ABAT: variants seen among roughly 807,000 people sequenced by gnomAD.
ABAT encodes 4-aminobutyrate aminotransferase.
ABAT carries 45 observed loss-of-function variants against 64.6 expected under a neutral mutation model. That is an observed-to-expected ratio of 0.70 (90% CI 0.55 to 0.89). The LOEUF is 0.89. ABAT is among the 40% of genes least tolerant of loss of function. The probability of loss-of-function intolerance (pLI) is 0.00; values close to 1 mark genes in which losing one functional copy is unlikely to be tolerated. For missense variants in ABAT, 633 were observed against 658.4 expected (o/e 0.96, Z 0.42); for synonymous variants, 297 against 250.5 (o/e 1.19, Z -1.75).
At position 8,777,277 on chromosome 16, in the gene ABAT, C is replaced by G. The variant is rs560367311; in HGVS notation, c.1269+787C>G. ...CCAAGCACTCCCTCTCTCACCCCCT[C>G]TAGTGTGTTCATTATTCCCGCCTTT... On this transcript the variant is annotated intron_variant, in intron 14 of 15. Coordinates refer to ENST00000268251, the MANE Select transcript of ABAT (RefSeq NM_020686.6). 2.9e-4 allele frequency among the ~76,000 whole-genome samples: 44 copies of G among 152,126 alleles called. 1 individual carries two copies. In the South Asian group the frequency reaches 9.2e-3, roughly 32 times the overall value.
At chr16:8,694,188 C>T (rs1267663936) in intron 1 of ABAT, among the ~76,000 whole-genome samples, 1 of 135,654 alleles carries the variant, frequency 7.4e-6, no homozygotes, top group African/African-American at 2.9e-5. Flanking sequence ...CGCCACAATG[C>T]CCAGATTTTT....
chr16:8,731,726 G>A (rs1178381760), intron 1 of ABAT, among the ~76,000 whole-genome samples: 1 of 151,542 alleles, frequency 6.6e-6, no homozygotes, highest in Non-Finnish European at 1.5e-5. Context: ...GGTATTATAA[G>A]CACTTTTGTT....
intron 9 of ABAT, among the ~76,000 whole-genome samples, chr16:8,767,403 G>C (rs1315094356): frequency 1.3e-5 from 2 of 152,136 alleles, no homozygotes; most frequent in African/African-American, 4.8e-5. Context: ...CCTTGCCTTG[G>C]TCACCCTGGG....
chr16:8,731,142 T>C (rs1221086229), intron 1 of ABAT, among the ~76,000 whole-genome samples: 4 of 152,132 alleles, frequency 2.6e-5, no homozygotes, highest in Non-Finnish European at 5.9e-5. Flanking sequence ...TTTGTATTTT[T>C]AGTAGAGACA....
At chr16:8,757,948 T>C in intron 6 of ABAT, 142 bp downstream of exon 6, 1 of 992,592 alleles carries the variant, frequency 1.0e-6, no homozygotes, top group Non-Finnish European at 1.6e-6. Context: ...GTGCCAGGTA[T>C]GTGGCATGCC....
intron 12 of ABAT, among the ~76,000 whole-genome samples, chr16:8,773,341 G>A (rs142503410): frequency 0.031 from 4,707 of 152,032 alleles, 229 homozygotes; most frequent in African/African-American, 0.11. Context: ...TAACAGAGAC[G>A]AGATTTCGCC....
rs140715882 is a variant in ABAT, at chr16:8,765,315, G to A, written c.540+485G>A. ...TGTGCCACTGCATTTCAGCCTGGGTGACAGAGTAAGACCCTGTCTCAAAAA... is the reference window on the plus strand; with the variant it reads ...TGTGCCACTGCATTTCAGCCTGGGTAACAGAGTAAGACCCTGTCTCAAAAA... On this transcript the variant is annotated intron_variant, in intron 8 of 15. Transcript: ENST00000268251. 6.5e-4 allele frequency among the ~76,000 whole-genome samples: 97 copies of A among 149,972 alleles called. No individual in the cohort carries two copies. In the South Asian group the frequency reaches 9.8e-3, roughly 15 times the overall value.
chr16:8,679,471 G>T (rs1215177064), intron 1 of ABAT, among the ~76,000 whole-genome samples: 1 of 149,334 alleles, frequency 6.7e-6, no homozygotes, highest in Non-Finnish European at 1.5e-5. Context: ...AACTCTCAGT[G>T]CCTCATTTCT....
chr16:8,695,504 G>T (rs1266111119), intron 1 of ABAT, among the ~76,000 whole-genome samples: 1 of 152,162 alleles, frequency 6.6e-6, no homozygotes, highest in Admixed American at 6.5e-5. Context: ...CTTACTTGTG[G>T]CAAGAATAGG....
At chr16:8,735,659 G>A in intron 1 of ABAT, 40 bp from the exon 2 acceptor site, 1 of 1,506,390 alleles carries the variant, frequency 6.6e-7, no homozygotes, top group Non-Finnish European at 9.0e-7. Flanking sequence ...GAGGGGAGTG[G>A]TCTTCATGGG....
chr16:8,699,682 C>T (rs1426044542), intron 1 of ABAT, among the ~76,000 whole-genome samples: 7 of 152,170 alleles, frequency 4.6e-5, no homozygotes, highest in Admixed American at 2.6e-4. Flanking sequence ...CAACCCCATC[C>T]TCCTGAGTAG....
At position 8,735,761 on chromosome 16, in the gene ABAT, C is replaced by T. The variant is rs1355739310; in HGVS notation, c.22C>T (p.Gln8Ter). 3.1e-6 allele frequency: 5 copies of T among 1,607,170 alleles called. No individual in the cohort carries two copies. The highest frequency in any genetic ancestry group is 4.2e-6 in the Non-Finnish European group (5 of 1,177,088). MASMLLA[Q>*]RLACSFQHSY... ...GGTCATGGCCTCCATGTTGCTCGCCCAGCGCCTGGCCTGCAGCTTCCAGCA... is the reference window on the plus strand; with the variant it reads ...GGTCATGGCCTCCATGTTGCTCGCCTAGCGCCTGGCCTGCAGCTTCCAGCA... Residue 8 changes from glutamine to a stop codon, truncating the protein, a stop_gained, in exon 2 of 16, where the codon CAG becomes TAG. Transcript: ENST00000268251. LOFTEE classifies it high-confidence loss of function.
In ABAT at chr16:8,694,182, A is replaced by G. The variant is rs533075697; in HGVS notation, c.-42+19471A>G. Among the ~76,000 whole-genome samples, 5 of 141,174 alleles carry G rather than the reference A, an allele frequency of 3.5e-5. No homozygotes were observed. In the East Asian group the frequency reaches 1.1e-3, roughly 30 times the overall value. 92.6% of individuals were successfully genotyped at this position (141,174 alleles called of 152,430 possible). A position where few individuals can be genotyped will look rare whatever the true frequency, so the allele number is the denominator to read the frequency against. On this transcript the variant is annotated intron_variant, in intron 1 of 15. Transcript: ENST00000268251. ...GTAGCTGGGACTACAGGCGCCCGCC[A>G]CAATGCCCAGATTTTTTTTTTTTTT...
intron 1 of ABAT, among the ~76,000 whole-genome samples, chr16:8,693,499 C>T (rs999164282): frequency 1.3e-5 from 2 of 152,266 alleles, no homozygotes; most frequent in African/African-American, 2.4e-5. Context: ...CTCTGAGTGT[C>T]GCTCTGTCAC....
At chr16:8,753,316 C>T (rs576320263) in intron 5 of ABAT, among the ~76,000 whole-genome samples, 4 of 152,152 alleles carry the variant, frequency 2.6e-5, no homozygotes, top group Admixed American at 6.6e-5. Context: ...AGGATGGTCT[C>T]GATCTTCTGA....
chr16:8,768,138 T>C, intron 9 of ABAT, 55 bp from the exon 10 acceptor site: 2 of 1,566,848 alleles, frequency 1.3e-6, no homozygotes, highest in East Asian at 4.5e-5. Context: ...GGGGCAACAA[T>C]ACAGTTCCCC....
Position 8,779,496 on chromosome 16 carries a change from C to T in ABAT, c.1287C>T (p.Phe429=). The T allele has an allele frequency of 6.2e-7, 1 of 1,614,168 alleles. No individual in the cohort carries two copies. Among genetic ancestry groups the T allele is most frequent in the Non-Finnish European group, 8.5e-7 (1 of 1,180,024 alleles). Residue 429 remains phenylalanine (F), a synonymous_variant, in exon 15 of 16, where the codon TTC becomes TTT. Transcript: ENST00000268251. The part of the protein sequence containing the change: ...LLDLQARYPQ[F]ISRVRGRGTF... ...CACTACAGGCCCGGTACCCCCAGTTCATCAGCAGGGTGAGAGGACGAGGCA... is the reference window on the plus strand; with the variant it reads ...CACTACAGGCCCGGTACCCCCAGTTTATCAGCAGGGTGAGAGGACGAGGCA...
At chr16:8,745,863 G>A (rs2059312940) in intron 2 of ABAT, 138 bp from the exon 3 acceptor site, 1 of 783,562 alleles carries the variant, frequency 1.3e-6, no homozygotes, top group Non-Finnish European at 2.2e-6. Flanking sequence ...TCCAGACACA[G>A]TGTTCTGGGG....
intron 1 of ABAT, among the ~76,000 whole-genome samples, chr16:8,695,057 G>C (rs1461938779): frequency 6.6e-6 from 1 of 152,232 alleles, no homozygotes; most frequent in African/African-American, 2.4e-5. Context: ...TGACCCTTTA[G>C]TACCTGGGGA....
Sources: allele counts gnomAD v4.1 joint callset (sites outside exome capture counted in the v4.1 genomes callset), GRCh38; gene constraint gnomAD v4.1.1; transcripts MANE v1.5; gene names NCBI Gene and HGNC (gene_info 2026-07-23, HGNC 2026-07-21).